COMT: variants seen among roughly 807,000 people sequenced by gnomAD.
COMT encodes catechol-O-methyltransferase.
In COMT, 13 loss-of-function variants were observed where a neutral mutation model predicts 18.9. The ratio of observed to expected loss-of-function variants is 0.69; its 90% CI spans 0.45 to 1.09. The LOEUF (loss-of-function observed/expected upper bound fraction) is 1.09, where lower values mean the gene tolerates loss of function less well. Among genes scored for constraint, COMT ranks in the 50% least tolerant of loss-of-function variants. The pLI is 0.00. For synonymous variants in COMT, 150 were observed against 160.9 expected (o/e 0.93, Z 0.51); for missense variants, 329 against 361.8 (o/e 0.91, Z 0.73).
At chr22:19,965,925 C>G (rs1048146776) in intron 5 of COMT, among the ~76,000 whole-genome samples, 1 of 152,216 alleles carries the variant, frequency 6.6e-6, no homozygotes, top group Non-Finnish European at 1.5e-5. Flanking sequence ...TGGCAGAGAG[C>G]TGGCACTCAG....
Position 19,941,774 on chromosome 22 carries a change from TC to T in COMT, c.-211del. ...TCCGCCACCGGAAGCGCCCTCCTAA[TC>T]CCCGCAGCGCCACCGCCATTGCCGC... is the stretch of plus-strand genomic sequence containing the variant. On this transcript the variant is annotated 5_prime_UTR_variant, in exon 1 of 6. Coordinates refer to ENST00000361682, the MANE Select transcript of COMT (RefSeq NM_000754.4). 1 of 1,504,678 alleles carries T rather than the reference TC, an allele frequency of 6.6e-7. No homozygotes were observed. The highest frequency in any genetic ancestry group is 8.8e-7 in the Non-Finnish European group (1 of 1,134,960). The allele number at this position is 1,504,678 out of a possible 1,614,324, so 93.2% of individuals were successfully genotyped here. A position where few individuals can be genotyped will look rare whatever the true frequency, so the allele number is the denominator to read the frequency against.
chr22:19,958,804 A>C (rs1352831196), intron 1 of COMT, among the ~76,000 whole-genome samples: 1 of 150,608 alleles, frequency 6.6e-6, no homozygotes, highest in African/African-American at 2.4e-5. Flanking sequence ...AGGCAGGAGG[A>C]TCCCTTGAGC....
At chr22:19,967,115 C>A in intron 5 of COMT, 1 of 1,286,008 alleles carries the variant, frequency 7.8e-7, no homozygotes. Flanking sequence ...AAAGGTGACC[C>A]ATGCTCCTTT....
rs987022208 is a variant in COMT at position 19,969,827 on chromosome 22, C to T, written c.*1091C>T. The stretch of plus-strand genomic sequence containing the variant: ...CCTCCACCCAGGGCCCTGCCCCAGA[C>T]GCGCAGAGGCCCGACACAAGGGAGA... On this transcript the variant is annotated 3_prime_UTR_variant, in exon 6 of 6. Transcript: ENST00000361682. 42 of 984,178 alleles carry T rather than the reference C, an allele frequency of 4.3e-5. No homozygotes were observed. Among genetic ancestry groups the T allele is most frequent in the South Asian group, 9.4e-5 (2 of 21,264 alleles). The allele number at this position is 984,178 out of a possible 1,614,324, so 61.0% of individuals were successfully genotyped here. A position where few individuals can be genotyped will look rare whatever the true frequency, so the allele number is the denominator to read the frequency against.
intron 1 of COMT, among the ~76,000 whole-genome samples, chr22:19,953,986 G>A (rs1373923012): frequency 6.6e-5 from 10 of 152,166 alleles, no homozygotes; most frequent in East Asian, 3.9e-4. Context: ...GGGCCCCGAC[G>A]GGGCCACAGT....
intron 1 of COMT, among the ~76,000 whole-genome samples, chr22:19,956,146 T>C (rs1942055676): frequency 1.6e-5 from 2 of 122,476 alleles, no homozygotes; most frequent in South Asian, 3.0e-4. Context: ...TCTTTTTTTT[T>C]TTTTTTTTTT....
Position 19,969,773 on chromosome 22 carries a change from A to G in COMT, c.*1037A>G, listed in dbSNP as rs758795649. ...CAGGGACCAGAAACAGAGCCTCTGC[A>G]GGACACAGCAGATGGGCACCTGGGA... On this transcript the variant is annotated 3_prime_UTR_variant, in exon 6 of 6. Transcript: ENST00000361682. 24 of 909,876 alleles carry G rather than the reference A, an allele frequency of 2.6e-5. No homozygotes were observed. Among genetic ancestry groups the G allele is most frequent in the Non-Finnish European group, 3.2e-5 (24 of 760,902 alleles). The allele number at this position is 909,876 out of a possible 1,614,324, so 56.4% of individuals were successfully genotyped here.
Position 19,962,357 on chromosome 22 carries a change from G to A in COMT, c.1-170G>A, listed in dbSNP as rs573325551. 7.3e-6 allele frequency: 9 copies of A among 1,230,234 alleles called. No individual in the cohort carries two copies. The African/African-American group carries it at 1.3e-4, about 18-fold the overall frequency. 76.2% of individuals were successfully genotyped at this position (1,230,234 alleles called of 1,614,324 possible). ...CGAGGGCACCAGAGGGCACGAGAAG[G>A]CTGGCTCCCTGGCGCTGACACGTCA... On this transcript the variant is annotated intron_variant, in intron 2 of 5. Transcript: ENST00000361682.
At chr22:19,943,503 G>A (rs570675548) in intron 1 of COMT, among the ~76,000 whole-genome samples, 3 of 152,154 alleles carry the variant, frequency 2.0e-5, no homozygotes, top group South Asian at 2.1e-4. Flanking sequence ...TTAGCCCGGC[G>A]TGGTGGCATG....
At chr22:19,953,496 T>A (rs1031034889) in intron 1 of COMT, among the ~76,000 whole-genome samples, 4 of 152,098 alleles carry the variant, frequency 2.6e-5, no homozygotes, top group African/African-American at 4.8e-5. Flanking sequence ...AGTTTCACCA[T>A]GTTGGCCAGG....
intron 1 of COMT, among the ~76,000 whole-genome samples, chr22:19,960,576 C>T (rs1942171312): frequency 6.6e-6 from 1 of 152,228 alleles, no homozygotes; most frequent in South Asian, 2.1e-4. Context: ...ACACAGTGGG[C>T]CACGGGTTTC....
At chr22:19,966,910 C>T in intron 5 of COMT, 1 of 977,112 alleles carries the variant, frequency 1.0e-6, no homozygotes, top group Non-Finnish European at 1.2e-6. Flanking sequence ...GTGTCACCTG[C>T]TCCTCTGACA....
intron 1 of COMT, among the ~76,000 whole-genome samples, chr22:19,956,085 A>G (rs1172140555): frequency 6.6e-6 from 1 of 151,984 alleles, no homozygotes; most frequent in East Asian, 1.9e-4. Context: ...GATCTTTGCA[A>G]AGAGAACAAA....
At position 19,969,893 on chromosome 22, in the gene COMT, A is replaced by G. The variant is rs1440615827; in HGVS notation, c.*1157A>G. 5.1e-6 allele frequency: 5 copies of G among 985,442 alleles called. No homozygotes were observed. The highest frequency in any genetic ancestry group is 6.0e-6 in the Non-Finnish European group (5 of 829,938). The allele number at this position is 985,442 out of a possible 1,614,324, so 61.0% of individuals were successfully genotyped here. On this transcript the variant is annotated 3_prime_UTR_variant, in exon 6 of 6. Coordinates refer to ENST00000361682, the MANE Select transcript of COMT (RefSeq NM_000754.4). The stretch of plus-strand genomic sequence containing the variant: ...CCAGACCTGAGTGGCAGAAAGCAAA[A>G]AGTTCCTTTGCTGCTTTAATTTTTA...
intron 1 of COMT, among the ~76,000 whole-genome samples, chr22:19,949,641 AG>A (rs1941894667): frequency 6.6e-6 from 1 of 151,926 alleles, no homozygotes; most frequent in South Asian, 2.1e-4. Context: ...TCTTTTGCCC[AG>A]GCTGGAGTGC....
intron 1 of COMT, among the ~76,000 whole-genome samples, chr22:19,948,970 A>G (rs1186369083): frequency 1.3e-5 from 2 of 151,818 alleles, no homozygotes; most frequent in African/African-American, 4.8e-5. Flanking sequence ...AAAAAAAAAA[A>G]AAAAAAAAAT....
chr22:19,964,763 C>T, intron 5 of COMT: 2 of 398,978 alleles, frequency 5.0e-6, no homozygotes, highest in African/African-American at 2.0e-5. Flanking sequence ...CCCAGCCCCA[C>T]TGGCGAGGAC....
chr22:19,947,476 T>A (rs174680), intron 1 of COMT, among the ~76,000 whole-genome samples: 1 of 151,778 alleles, frequency 6.6e-6, no homozygotes, highest in Admixed American at 6.6e-5. Flanking sequence ...GAGTGTGAGC[T>A]ATCTCCAGTG....
At chr22:19,962,966 T>C in intron 3 of COMT, 151 bp downstream of exon 3, 9 of 1,004,484 alleles carry the variant, frequency 9.0e-6, no homozygotes, top group Non-Finnish European at 1.3e-5. Flanking sequence ...TCCTCTGGAG[T>C]CCCAGGGTGC....
Sources: allele counts gnomAD v4.1 joint callset (sites outside exome capture counted in the v4.1 genomes callset), GRCh38; gene constraint gnomAD v4.1.1; transcripts MANE v1.5; gene names NCBI Gene and HGNC (gene_info 2026-07-23, HGNC 2026-07-21).